Variants in PCDHA10 observed in about 807,000 individuals in gnomAD.
PCDHA10 encodes the protein protocadherin alpha-10.
PCDHA10 carries 45 observed loss-of-function variants against 61.2 expected under a neutral mutation model. The ratio of observed to expected loss-of-function variants is 0.74; its 90% confidence interval spans 0.58 to 0.94. The LOEUF (loss-of-function observed/expected upper bound fraction) is 0.94. Among genes scored for constraint, PCDHA10 ranks in the 40% least tolerant of loss-of-function variants. The probability of loss-of-function intolerance (pLI) is 0.00; values close to 1 mark genes in which losing one functional copy is unlikely to be tolerated. For missense variants in PCDHA10, 1,278 were observed against 1,236.2 expected, an observed-to-expected ratio of 1.03 and a Z score of -0.51; for synonymous variants, 602 against 548.8, an observed-to-expected ratio of 1.10 and a Z score of -1.35.
intron 1 of PCDHA10, among the ~76,000 whole-genome samples, chr5:140,975,536 A>G (rs957684886): frequency 2.0e-5 from 3 of 152,226 alleles, no homozygotes; most frequent in Admixed American, 1.3e-4. Flanking sequence ...TATTCTTAAT[A>G]CAGTCCTATT....
At chr5:140,978,405 A>G (rs919688095) in intron 1 of PCDHA10, among the ~76,000 whole-genome samples, 1 of 152,220 alleles carries the variant, frequency 6.6e-6, no homozygotes, top group Non-Finnish European at 1.5e-5. Context: ...TCCCTCTTCA[A>G]TCAGAAAAGA....
chr5:141,005,798 C>T (rs1236554438), intron 3 of PCDHA10, among the ~76,000 whole-genome samples: 1 of 143,634 alleles, frequency 7.0e-6, no homozygotes, highest in African/African-American at 2.6e-5. Context: ...GCAAAAACAA[C>T]TCCAAGGAGC....
At chr5:140,872,402 G>A (rs1272057866) in intron 1 of PCDHA10, among the ~76,000 whole-genome samples, 3 of 152,128 alleles carry the variant, frequency 2.0e-5, no homozygotes, top group African/African-American at 7.2e-5. Flanking sequence ...TGAGGCAGGA[G>A]AATTGCTTGA....
Position 140,885,566 on chromosome 5 carries a change from G to A in PCDHA10, c.2388+27130G>A, listed in dbSNP as rs190303990. On this transcript the variant is annotated intron_variant, in intron 1 of 3. Transcript: ENST00000307360. The stretch of plus-strand genomic sequence containing the variant: ...TGGTGTTATTTCTACGAAATTGATT[G>A]TCAGATGTGGAATTGATGCATCAAA... Among the ~76,000 whole-genome samples, 467 of 152,160 alleles carry A rather than the reference G, an allele frequency of 3.1e-3. 3 individuals carry two copies. The highest frequency in any genetic ancestry group is 0.014 in the Middle Eastern group (4 of 294).
rs181275532 is a variant in PCDHA10, at chr5:140,900,911, A to G, written c.2388+42475A>G. Among the ~76,000 whole-genome samples the G allele has an allele frequency of 2.3e-4, 35 of 152,252 alleles. 1 individual carries two copies. Among genetic ancestry groups the G allele is most frequent in the Admixed American group, 6.5e-4 (10 of 15,284 alleles). ...GGATAAAAGCCATTTTAACTGTGGTAAGATGATATCTCATTGTAGTTTTGA... is the reference window on the plus strand; with the variant it reads ...GGATAAAAGCCATTTTAACTGTGGTGAGATGATATCTCATTGTAGTTTTGA... On this transcript the variant is annotated intron_variant, in intron 1 of 3. Coordinates refer to ENST00000307360, the MANE Select transcript of PCDHA10 (RefSeq NM_018901.4).
chr5:140,895,892 A>T (rs1554186717), intron 1 of PCDHA10, among the ~76,000 whole-genome samples: 1 of 152,080 alleles, frequency 6.6e-6, no homozygotes, highest in Non-Finnish European at 1.5e-5. Flanking sequence ...GCTCACTGCA[A>T]CCTCCGCGTC....
intron 1 of PCDHA10, chr5:140,929,315 T>C: frequency 6.4e-7 from 1 of 1,559,382 alleles, no homozygotes; most frequent in African/African-American, 1.4e-5. Context: ...CACGCTAATG[T>C]CAATGCCATG....
intron 1 of PCDHA10, chr5:140,869,456 A>G (rs782269395): frequency 1.9e-6 from 3 of 1,614,072 alleles, no homozygotes; most frequent in Non-Finnish European, 2.5e-6. Flanking sequence ...CAGGTTTTCC[A>G]TGTGAACGTG....
intron 1 of PCDHA10, among the ~76,000 whole-genome samples, chr5:140,955,342 C>T (rs981239160): frequency 1.3e-5 from 2 of 152,130 alleles, no homozygotes; most frequent in Admixed American, 6.6e-5. Context: ...ATAATCCCCA[C>T]ATGTTGTGAG....
At chr5:140,917,305 C>T (rs1554197951) in intron 1 of PCDHA10, among the ~76,000 whole-genome samples, 1 of 137,094 alleles carries the variant, frequency 7.3e-6, no homozygotes, top group African/African-American at 2.7e-5. Flanking sequence ...ATAGTTGTTA[C>T]AATTTGGTGT....
intron 1 of PCDHA10, chr5:140,863,475 C>T: frequency 2.1e-6 from 1 of 481,584 alleles, no homozygotes; most frequent in South Asian, 1.6e-5. Flanking sequence ...TGGAGAGTCG[C>T]CTCCCAAGGT....
intron 1 of PCDHA10, chr5:140,859,624 G>C (rs11749013): frequency 0.2 from 31,664 of 160,658 alleles, 6,158 homozygotes; most frequent in Middle Eastern, 0.25. Context: ...TTCTCTTTGA[G>C]TATGGAGATT....
At chr5:140,996,590 C>G (rs1325471388) in intron 3 of PCDHA10, among the ~76,000 whole-genome samples, 7 of 152,096 alleles carry the variant, frequency 4.6e-5, no homozygotes, top group African/African-American at 1.7e-4. Context: ...CAAGGGCCGC[C>G]TCCCCCCATT....
rs369786229 is a variant in PCDHA10 at position 140,858,286 on chromosome 5, G to T, written c.2238G>T (p.Trp746Cys). ...TGTGCTCTAGCGCGGTGGGGAGCTGGTCTTACTCGCAGCAGAGGCGGCAGA... is the reference window on the plus strand; with the variant it reads ...TGTGCTCTAGCGCGGTGGGGAGCTGTTCTTACTCGCAGCAGAGGCGGCAGA... Reference protein sequence around the residue: ...TLVCSSAVGSWSYSQQRRQRV... With the variant: ...TLVCSSAVGSCSYSQQRRQRV... The change falls in exon 1 of 4, where the codon TGG (tryptophan) becomes TGT (cysteine). Residue 746 changes from tryptophan to cysteine, a missense_variant. Coordinates refer to ENST00000307360, the MANE Select transcript of PCDHA10 (RefSeq NM_018901.4). 5.0e-6 allele frequency: 8 copies of T among 1,597,506 alleles called. 1 individual carries two copies. Among genetic ancestry groups the T allele is most frequent in the Non-Finnish European group, 6.9e-6 (8 of 1,167,336 alleles).
chr5:140,983,284 A>G (rs540419188), intron 3 of PCDHA10, among the ~76,000 whole-genome samples: 1 of 152,330 alleles, frequency 6.6e-6, no homozygotes, highest in East Asian at 1.9e-4. Context: ...GAGTATAGGA[A>G]AATTGCTTAA....
At position 140,869,042 on chromosome 5, in the gene PCDHA10, A is replaced by G. The variant is rs74567119; in HGVS notation, c.2388+10606A>G. On this transcript the variant is annotated intron_variant, in intron 1 of 3. Transcript: ENST00000307360. The stretch of plus-strand genomic sequence containing the variant: ...GAATTCAACGAGATTTTTAACCTGA[A>G]ACTGAAGAATCTGGTACTGTAAGTG... The G allele has an allele frequency of 9.2e-4, 1,413 of 1,529,994 alleles. 13 individuals are homozygous for G. The African/African-American group carries it at 0.016, about 18-fold the overall frequency. The allele number at this position is 1,529,994 out of a possible 1,614,324, so 94.8% of individuals were successfully genotyped here.
At position 140,857,873 on chromosome 5, in the gene PCDHA10, G is replaced by C; in HGVS notation, c.1825G>C (p.Glu609Gln). The change falls in exon 1 of 4, where the codon GAA becomes CAA. Residue 609 changes from glutamate (E) to glutamine (Q), a missense_variant. Physicochemically the swap from Glu to Gln is conservative, Grantham distance 29. Transcript: ENST00000307360. ...DSGYNAWLSY[E>Q]LQSAAVGARI... Reference sequence around the variant, plus strand: ...TGGATACAACGCGTGGCTGTCGTATGAATTGCAGTCGGCGGCGGTTGGTGC... The same window carrying C: ...TGGATACAACGCGTGGCTGTCGTATCAATTGCAGTCGGCGGCGGTTGGTGC... 6.3e-7 allele frequency: 1 copy of C among 1,597,876 alleles called. No homozygotes were observed. Among genetic ancestry groups the C allele is most frequent in the Non-Finnish European group, 8.6e-7 (1 of 1,167,580 alleles).
At chr5:140,867,257 T>C (rs1396352368) in intron 1 of PCDHA10, 1 of 152,138 alleles carries the variant, frequency 6.6e-6, no homozygotes, top group Non-Finnish European at 1.5e-5. Flanking sequence ...TGTTGTTTCC[T>C]TTTGTTCAAA....
intron 3 of PCDHA10, among the ~76,000 whole-genome samples, chr5:140,987,811 C>CT (rs1444999429): frequency 6.6e-6 from 1 of 152,100 alleles, no homozygotes; most frequent in East Asian, 1.9e-4. Flanking sequence ...GTGCCTGTCT[C>CT]TTTGTTTCCT....
Sources: gnomAD v4.1 joint callset for allele counts (sites outside exome capture counted in the v4.1 genomes callset) on GRCh38, gnomAD v4.1.1 for gene constraint, MANE v1.5 for transcripts, NCBI Gene and HGNC (gene_info 2026-07-23, HGNC 2026-07-21) for gene names.